NEDD4L: variants seen among roughly 807,000 people sequenced by gnomAD.
The protein encoded by NEDD4L is NEDD4 like E3 ubiquitin protein ligase.
In NEDD4L, 54 loss-of-function variants were observed where a neutral mutation model predicts 148.9. The observed-to-expected ratio is 0.36, with a 90% CI of 0.29 to 0.45. NEDD4L has a LOEUF of 0.45. Ranked by LOEUF, NEDD4L falls within the 20% of genes least tolerant of loss-of-function variation. The pLI is 1.00. For synonymous variants in NEDD4L, 433 were observed against 440.7 expected, an observed-to-expected ratio of 0.98 and a Z score of 0.22; for missense variants, 856 against 1,233.8, an observed-to-expected ratio of 0.69 and a Z score of 4.59.
In NEDD4L at chr18:58,396,822, C is replaced by T. The variant is rs543234908; in HGVS notation, c.*553C>T. 3 of 152,056 alleles carry T rather than the reference C, an allele frequency of 2.0e-5. No individual in the cohort carries two copies. The South Asian group carries it at 6.2e-4, about 32-fold the overall frequency. 9.4% of individuals were successfully genotyped at this position (152,056 alleles called of 1,614,324 possible). A position where few individuals can be genotyped will look rare whatever the true frequency, so the allele number is the denominator to read the frequency against. On this transcript the variant is annotated 3_prime_UTR_variant, in exon 31 of 31. Transcript: ENST00000400345. ...CCTCTACTTTATTAGAATTGGAAGGCAAATTTTTGTCCAAAAACCTACAGA... is the reference window on the plus strand; with the variant it reads ...CCTCTACTTTATTAGAATTGGAAGGTAAATTTTTGTCCAAAAACCTACAGA...
intron 1 of NEDD4L, among the ~76,000 whole-genome samples, chr18:58,136,184 G>A (rs567020075): frequency 6.6e-6 from 1 of 152,130 alleles, no homozygotes; most frequent in African/African-American, 2.4e-5. Flanking sequence ...GGCTCTCTGT[G>A]GGAAGCCATT....
chr18:58,192,211 A>G (rs2040196228), intron 2 of NEDD4L, among the ~76,000 whole-genome samples: 1 of 152,202 alleles, frequency 6.6e-6, no homozygotes. Context: ...TGGCTTTTCA[A>G]TCCTGGTTTC....
intron 21 of NEDD4L, 127 bp from the exon 22 acceptor site, chr18:58,367,619 C>T: frequency 2.0e-6 from 2 of 986,034 alleles, no homozygotes; most frequent in Non-Finnish European, 3.1e-6. Context: ...CTAGCCCACA[C>T]ATTTTCCCAC....
chr18:58,161,933 G>A (rs906362977), intron 1 of NEDD4L, among the ~76,000 whole-genome samples: 2 of 152,102 alleles, frequency 1.3e-5, no homozygotes, highest in Non-Finnish European at 2.9e-5. Context: ...AGGAAGACTG[G>A]GAAATGTAGT....
intron 1 of NEDD4L, among the ~76,000 whole-genome samples, chr18:58,085,134 C>G (rs1056665022): frequency 6.6e-6 from 1 of 152,206 alleles, no homozygotes; most frequent in Non-Finnish European, 1.5e-5. Flanking sequence ...TCTCCAAATA[C>G]AGTCCCATTC....
At chr18:58,187,578 T>C (rs1311975896) in intron 2 of NEDD4L, among the ~76,000 whole-genome samples, 1 of 152,140 alleles carries the variant, frequency 6.6e-6, no homozygotes, top group Non-Finnish European at 1.5e-5. Flanking sequence ...TAGATGAAAA[T>C]AGGACTTTTT....
intron 5 of NEDD4L, among the ~76,000 whole-genome samples, chr18:58,288,885 T>C (rs2054296800): frequency 6.6e-6 from 1 of 152,220 alleles, no homozygotes; most frequent in Non-Finnish European, 1.5e-5. Flanking sequence ...CGTCATCCCA[T>C]GTTCTCAGTA....
intron 16 of NEDD4L, among the ~76,000 whole-genome samples, chr18:58,348,582 G>C (rs923466088): frequency 2.6e-5 from 4 of 152,074 alleles, no homozygotes; most frequent in African/African-American, 9.7e-5. Flanking sequence ...CCAAAGTGCT[G>C]GGATTACAGG....
intron 2 of NEDD4L, among the ~76,000 whole-genome samples, chr18:58,234,053 C>CTTTCTTTCTT (rs2045602123): frequency 2.7e-5 from 2 of 74,300 alleles, no homozygotes; most frequent in Non-Finnish European, 5.4e-5. Context: ...CCTTTTCTTT[C>CTTTCTTTCTT]TTTCTTTCTT....
rs1225313372 is a variant in NEDD4L at position 58,251,984 on chromosome 18, A to G, written c.244-17A>G. The G allele has an allele frequency of 2.1e-6, 3 of 1,432,794 alleles. No homozygotes were observed. The highest frequency in any genetic ancestry group is 2.8e-5 in the African/African-American group (2 of 71,398). The allele number at this position is 1,432,794 out of a possible 1,614,324, so 88.8% of individuals were successfully genotyped here. Reference sequence around the variant, plus strand: ...GATTCCTGCTCGTTTAAAAAATACTATTTATGTTCCTTATAGGTAAACCCA... The same window carrying G: ...GATTCCTGCTCGTTTAAAAAATACTGTTTATGTTCCTTATAGGTAAACCCA... On this transcript the variant is annotated splice_polypyrimidine_tract_variant and intron_variant, in intron 4 of 30. Transcript: ENST00000400345.
chr18:58,081,101 G>T (rs2083407620), intron 1 of NEDD4L, among the ~76,000 whole-genome samples: 1 of 151,988 alleles, frequency 6.6e-6, no homozygotes, highest in Non-Finnish European at 1.5e-5. Flanking sequence ...CTCAGCTACA[G>T]TGTGCATTAA....
intron 1 of NEDD4L, among the ~76,000 whole-genome samples, chr18:58,155,224 G>A (rs1320849425): frequency 6.8e-6 from 1 of 146,658 alleles, no homozygotes; most frequent in East Asian, 2.0e-4. Context: ...CATGCCTTTT[G>A]AAGCAGTACC....
chr18:58,143,513 G>A lies in NEDD4L; in HGVS notation c.49-22275G>A, dbSNP rs181002727. Among the ~76,000 whole-genome samples the A allele has an allele frequency of 4.2e-3, 640 of 152,308 alleles. 5 individuals carry two copies. The highest frequency in any genetic ancestry group is 0.037 in the Middle Eastern group (11 of 294). ...TCTGGGACAAGCTATAAAGCTCTCC[G>A]TGTTATGCTGTGTTGCAAACCCAGT... is the stretch of plus-strand genomic sequence containing the variant. On this transcript the variant is annotated intron_variant, in intron 1 of 30. Coordinates refer to ENST00000400345, the MANE Select transcript of NEDD4L (RefSeq NM_001144967.3).
intron 2 of NEDD4L, among the ~76,000 whole-genome samples, chr18:58,166,847 C>A (rs7227056): frequency 2.6e-5 from 4 of 152,218 alleles, no homozygotes; most frequent in Admixed American, 2.0e-4. Flanking sequence ...TTTCAGTGCC[C>A]CTGCCTGACA....
At chr18:58,250,798 C>CAAAAG (rs1462498286) in intron 4 of NEDD4L, among the ~76,000 whole-genome samples, 1 of 152,150 alleles carries the variant, frequency 6.6e-6, no homozygotes, top group Admixed American at 6.5e-5. Context: ...AGAATCCTTA[C>CAAAAG]CTGCAAGGGT....
chr18:58,201,905 A>G (rs534300043), intron 2 of NEDD4L, among the ~76,000 whole-genome samples: 8 of 152,316 alleles, frequency 5.3e-5, no homozygotes, highest in East Asian at 1.9e-4. Context: ...ACTCTGTGCT[A>G]TACGCTGACG....
At chr18:58,156,697 G>A (rs961011625) in intron 1 of NEDD4L, among the ~76,000 whole-genome samples, 6 of 152,094 alleles carry the variant, frequency 3.9e-5, no homozygotes, top group South Asian at 2.1e-4. Context: ...CCACCTGCCC[G>A]TGTTTGACCT....
intron 5 of NEDD4L, among the ~76,000 whole-genome samples, chr18:58,287,024 G>T (rs922734901): frequency 6.6e-6 from 1 of 151,908 alleles, no homozygotes; most frequent in South Asian, 2.1e-4. Context: ...TATACAAAAG[G>T]AATTTAGTGT....
chr18:58,219,177 G>T (rs2043467486), intron 2 of NEDD4L, among the ~76,000 whole-genome samples: 2 of 152,206 alleles, frequency 1.3e-5, no homozygotes, highest in Non-Finnish European at 2.9e-5. Flanking sequence ...TAGGTGGCAG[G>T]GAGGTGGATG....
Sources: allele counts gnomAD v4.1 joint callset (sites outside exome capture counted in the v4.1 genomes callset), GRCh38; gene constraint gnomAD v4.1.1; transcripts MANE v1.5; gene names NCBI Gene and HGNC (gene_info 2026-07-23, HGNC 2026-07-21).